CAST: variants seen among roughly 807,000 people sequenced by gnomAD.
CAST encodes MIR583 host.
Under a neutral mutation model 119.6 loss-of-function variants are expected in CAST, and 76 were observed. The observed-to-expected ratio is 0.64, with a 90% CI of 0.53 to 0.77. The LOEUF is 0.77. Among genes scored for constraint, CAST ranks in the 30% least tolerant of loss-of-function variants. The probability of loss-of-function intolerance (pLI) is 0.00; values close to 1 mark genes in which losing one functional copy is unlikely to be tolerated. For synonymous variants in CAST, 319 were observed against 331.6 expected (o/e 0.96, Z 0.41); for missense variants, 953 against 946.5 (o/e 1.01, Z -0.09).
At chr5:96,224,753 CG>C in the CAST span, among the ~76,000 whole-genome samples, 1 of 152,152 alleles carries the variant, frequency 6.6e-6, no homozygotes, top group Non-Finnish European at 1.5e-5. Flanking sequence ...ATGGCAGCCA[CG>C]GGATACTAAT....
the CAST span, among the ~76,000 whole-genome samples, chr5:96,303,088 G>A: frequency 1.3e-5 from 2 of 152,220 alleles, no homozygotes; most frequent in African/African-American, 2.4e-5. Flanking sequence ...TGTACAGGAA[G>A]CATGCCTTAG....
At chr5:96,614,826 A>G (rs955448396) in intron 1 of CAST, among the ~76,000 whole-genome samples, 1 of 152,202 alleles carries the variant, frequency 6.6e-6, no homozygotes, top group Non-Finnish European at 1.5e-5. Flanking sequence ...TAAGCTTGGT[A>G]AAATGAGGCA....
the CAST span, among the ~76,000 whole-genome samples, chr5:96,435,534 C>T: frequency 6.6e-6 from 1 of 152,174 alleles, no homozygotes; most frequent in Admixed American, 6.5e-5. Context: ...AAGGGCTAGT[C>T]CTACCCTGAT....
At chr5:96,210,952 A>G in the CAST span, among the ~76,000 whole-genome samples, 2 of 151,748 alleles carry the variant, frequency 1.3e-5, no homozygotes, top group African/African-American at 4.8e-5. Context: ...TGTATTTTTA[A>G]TTTTGGTGTT....
chr5:96,016,450 C>A, the CAST span, among the ~76,000 whole-genome samples: 2 of 152,092 alleles, frequency 1.3e-5, no homozygotes, highest in Admixed American at 6.6e-5. Context: ...TATTTTGCAC[C>A]CTGCAAGCTG....
chr5:96,123,798 T>A, the CAST span, among the ~76,000 whole-genome samples: 1 of 152,188 alleles, frequency 6.6e-6, no homozygotes, highest in Non-Finnish European at 1.5e-5. Context: ...TGATTTTAAA[T>A]GAAAAACTTT....
chr5:96,322,849 C>T, the CAST span, among the ~76,000 whole-genome samples: 1 of 152,180 alleles, frequency 6.6e-6, no homozygotes, highest in African/African-American at 2.4e-5. Flanking sequence ...CACTACTACA[C>T]TGATGATGGT....
chr5:96,312,680 T>A, the CAST span, among the ~76,000 whole-genome samples: 1 of 152,108 alleles, frequency 6.6e-6, no homozygotes, highest in Non-Finnish European at 1.5e-5. Flanking sequence ...CACAAACTAG[T>A]AAAAGCAATC....
the CAST span, chr5:96,394,983 G>GCTT: frequency 6.2e-7 from 1 of 1,613,954 alleles, no homozygotes; most frequent in Non-Finnish European, 8.5e-7. Context: ...TGCAAAATCA[G>GCTT]CTTCCAGTTC....
chr5:96,281,264 A>AT, the CAST span, among the ~76,000 whole-genome samples: 31 of 152,230 alleles, frequency 2.0e-4, no homozygotes, highest in Non-Finnish European at 3.5e-4. Context: ...AGGCTGGCTT[A>AT]TTTAACTGAA....
At chr5:96,629,817 G>A (rs1266435770) in intron 1 of CAST, among the ~76,000 whole-genome samples, 1 of 152,202 alleles carries the variant, frequency 6.6e-6, no homozygotes, top group African/African-American at 2.4e-5. Flanking sequence ...TGATTAATCA[G>A]GCTAAGCAAT....
chr5:96,614,355 ACAGCGC>A (rs1747416319), intron 1 of CAST, among the ~76,000 whole-genome samples: 1 of 152,178 alleles, frequency 6.6e-6, no homozygotes. Flanking sequence ...CTTACCTACT[ACAGCGC>A]CTCAGTGTTG....
chr5:96,747,011 G>C (rs1308155482), intron 17 of CAST, among the ~76,000 whole-genome samples: 2 of 152,188 alleles, frequency 1.3e-5, no homozygotes, highest in African/African-American at 4.8e-5. Context: ...CTTCACTCTA[G>C]GTTGGAGAAT....
At chr5:95,987,428 GGAAATT>G in the CAST span, among the ~76,000 whole-genome samples, 2 of 152,078 alleles carry the variant, frequency 1.3e-5, no homozygotes. Flanking sequence ...TGTTGTACAG[GGAAATT>G]TCGGAGATAT....
At chr5:96,190,372 A>C in the CAST span, among the ~76,000 whole-genome samples, 2 of 152,056 alleles carry the variant, frequency 1.3e-5, no homozygotes, top group African/African-American at 4.8e-5. Flanking sequence ...TTCTTTAATG[A>C]AGGACATTGA....
At chr5:96,182,580 A>T in the CAST span, among the ~76,000 whole-genome samples, 1 of 152,226 alleles carries the variant, frequency 6.6e-6, no homozygotes, top group South Asian at 2.1e-4. Context: ...ATGGTATTAT[A>T]TGTCAGACTT....
At chr5:96,292,758 C>A in the CAST span, among the ~76,000 whole-genome samples, 1 of 152,182 alleles carries the variant, frequency 6.6e-6, no homozygotes, top group Non-Finnish European at 1.5e-5. Context: ...CACTGCGTCA[C>A]AAGGATGACC....
chr5:96,695,766 T>C (rs1165796473), intron 2 of CAST, 70 bp from the exon 3 acceptor site: 2 of 943,324 alleles, frequency 2.1e-6, no homozygotes. Context: ...TGTATTGATA[T>C]GTAAGTTTGC....
chr5:96,265,652 A>G, the CAST span, among the ~76,000 whole-genome samples: 8 of 152,204 alleles, frequency 5.3e-5, no homozygotes, highest in Non-Finnish European at 1.0e-4. Context: ...AATCACTTCT[A>G]GAAACACTCT....
Sources: allele counts gnomAD v4.1 joint callset (sites outside exome capture counted in the v4.1 genomes callset), GRCh38; gene constraint gnomAD v4.1.1; transcripts MANE v1.5; gene names NCBI Gene and HGNC (gene_info 2026-07-23, HGNC 2026-07-21).